MEGF6: variants seen among roughly 807,000 people sequenced by gnomAD.
The protein encoded by MEGF6 is multiple epidermal growth factor-like domains protein 6.
In MEGF6, 184 loss-of-function variants were observed where a neutral mutation model predicts 207.1. That is an observed-to-expected ratio of 0.89 (90% CI 0.79 to 1.00). The LOEUF (loss-of-function observed/expected upper bound fraction) is 1.00. MEGF6 is among the 50% of genes least tolerant of loss of function. MEGF6 has a pLI of 0.00. For synonymous variants in MEGF6, 1,038 were observed against 910.0 expected, an observed-to-expected ratio of 1.14 and a Z score of -2.53; for missense variants, 2,282 against 2,202.9, an observed-to-expected ratio of 1.04 and a Z score of -0.72.
chr1:3,559,311 C>T lies in MEGF6; in HGVS notation c.481+20514G>A, dbSNP rs1002163615. ...CTCCTAATTTAGGTTACTGGTCTTG[C>T]AACAGAAGAGCTTCCTCACACCACT... On this transcript the variant is annotated intron_variant, in intron 4 of 36. Transcript: ENST00000356575. Among the ~76,000 whole-genome samples the T allele has an allele frequency of 1.3e-5, 2 of 152,126 alleles. 1 individual carries two copies. The highest frequency in any genetic ancestry group is 4.1e-4 in the South Asian group (2 of 4,832).
intron 7 of MEGF6, among the ~76,000 whole-genome samples, chr1:3,514,064 T>C (rs1002493945): frequency 1.3e-5 from 2 of 151,764 alleles, no homozygotes; most frequent in South Asian, 2.1e-4. Flanking sequence ...CTGGCCAACA[T>C]GGTGAAACCC....
Position 3,567,654 on chromosome 1 carries a change from C to T in MEGF6, c.481+12171G>A, listed in dbSNP as rs528535281. ...TGGCCTAGCTCCTTGGCCATCACAC[C>T]GTGGGCCCTCGGTCCCTAGGAGCAC... On this transcript the variant is annotated intron_variant, in intron 4 of 36. Coordinates refer to ENST00000356575, the MANE Select transcript of MEGF6 (RefSeq NM_001409.4). Among the ~76,000 whole-genome samples the T allele has an allele frequency of 3.3e-5, 5 of 152,308 alleles. No individual in the cohort carries two copies. The East Asian group carries it at 5.8e-4, about 18-fold the overall frequency.
rs1054652405 is a variant in MEGF6 at position 3,494,807 on chromosome 1, T to A, written c.3872-66A>T. 2.7e-6 allele frequency: 4 copies of A among 1,472,558 alleles called. No individual in the cohort carries two copies. The Admixed American group carries it at 9.6e-5, about 35-fold the overall frequency. The allele number at this position is 1,472,558 out of a possible 1,614,324, so 91.2% of individuals were successfully genotyped here. The stretch of plus-strand genomic sequence containing the variant: ...GGGCTGGGCTCCCTCTGGGGATATG[T>A]CCCCACAGGCTGACAGTCACTCGGT... On this transcript the variant is annotated intron_variant, in intron 30 of 36. Transcript: ENST00000356575.
intron 4 of MEGF6, among the ~76,000 whole-genome samples, chr1:3,553,400 A>G (rs1336517718): frequency 6.6e-6 from 1 of 152,014 alleles, no homozygotes; most frequent in Non-Finnish European, 1.5e-5. Context: ...GACACAGGCA[A>G]GAGACCCTCC....
Position 3,573,208 on chromosome 1 carries a change from G to A in MEGF6, c.481+6617C>T, listed in dbSNP as rs369679823. On this transcript the variant is annotated intron_variant, in intron 4 of 36. Coordinates refer to ENST00000356575, the MANE Select transcript of MEGF6 (RefSeq NM_001409.4). The surrounding 1 kb of genome is among the most constrained non-coding windows in gnomAD (Gnocchi z 5.1). ...TGCTGGGTCCTCCTGCGTGTGCTGC[G>A]TCCTTCCTGTGTGTGCTGGGTTCCC... is the stretch of plus-strand genomic sequence containing the variant. 3.6e-4 allele frequency among the ~76,000 whole-genome samples: 55 copies of A among 151,940 alleles called. No homozygotes were observed. In the South Asian group the frequency reaches 5.6e-3, roughly 15 times the overall value.
At chr1:3,603,407 G>A (rs1190817809) in intron 1 of MEGF6, among the ~76,000 whole-genome samples, 1 of 152,056 alleles carries the variant, frequency 6.6e-6, no homozygotes, top group East Asian at 1.9e-4. Flanking sequence ...GGGGTGAGGC[G>A]GGCTCCCTCC....
At position 3,490,810 on chromosome 1, in the gene MEGF6, G is replaced by A. The variant is rs551083760; in HGVS notation, c.4564+102C>T. ...CCTGGGGCCCAAGGCCCCGGGTGCA[G>A]CTGCTGCCCTGTGGGGCCCAGATTA... is the stretch of plus-strand genomic sequence containing the variant. On this transcript the variant is annotated intron_variant, in intron 36 of 36. Coordinates refer to ENST00000356575, the MANE Select transcript of MEGF6 (RefSeq NM_001409.4). 654 of 1,429,304 alleles carry A rather than the reference G, an allele frequency of 4.6e-4. 2 individuals are homozygous for A. The African/African-American group carries it at 7.7e-3, about 17-fold the overall frequency. 88.5% of individuals were successfully genotyped at this position (1,429,304 alleles called of 1,614,324 possible).
chr1:3,533,173 ATCC>A (rs1447864531), intron 4 of MEGF6, among the ~76,000 whole-genome samples: 1 of 152,144 alleles, frequency 6.6e-6, no homozygotes, highest in Non-Finnish European at 1.5e-5. Context: ...CTGAGGGGCC[ATCC>A]TTGAGCGCGT....
chr1:3,497,869 C>T (rs938603601), intron 26 of MEGF6, among the ~76,000 whole-genome samples: 5 of 152,140 alleles, frequency 3.3e-5, no homozygotes, highest in Non-Finnish European at 5.9e-5. Flanking sequence ...AAGGGGGGCT[C>T]GTGTTAGGGG....
At position 3,505,564 on chromosome 1, in the gene MEGF6, C is replaced by G. The variant is rs1223141016; in HGVS notation, c.1919-8G>C. 1.3e-6 allele frequency: 2 copies of G among 1,563,714 alleles called. No individual in the cohort carries two copies. The highest frequency in any genetic ancestry group is 1.7e-6 in the Non-Finnish European group (2 of 1,158,954). ...AGGCCCACGGCGGGCAGGCTGCACC[C>G]ACAGAACCGTTGAGGGGGGCTCCCG... On this transcript the variant is annotated splice_region_variant and splice_polypyrimidine_tract_variant and intron_variant, in intron 15 of 36. Transcript: ENST00000356575.
rs115010998 is a variant in MEGF6, at chr1:3,549,901, G to A, written c.482-25655C>T. On this transcript the variant is annotated intron_variant, in intron 4 of 36. Coordinates refer to ENST00000356575, the MANE Select transcript of MEGF6 (RefSeq NM_001409.4). Reference sequence around the variant, plus strand: ...CAAGCACAGGCACGGGTGGGCGGTCGAAGGTCAGAACCAGGCTAGGCTCTG... The same window carrying A: ...CAAGCACAGGCACGGGTGGGCGGTCAAAGGTCAGAACCAGGCTAGGCTCTG... Among the ~76,000 whole-genome samples the A allele has an allele frequency of 2.6e-5, 4 of 152,258 alleles. No individual in the cohort carries two copies. The East Asian group carries it at 7.8e-4, about 30-fold the overall frequency.
At chr1:3,493,105 G>A in intron 34 of MEGF6, 1 of 342,200 alleles carries the variant, frequency 2.9e-6, no homozygotes, top group South Asian at 4.2e-5. Flanking sequence ...CAACAGGCCT[G>A]AGAGCCACAA....
In MEGF6 at chr1:3,498,717, GGCCCA is replaced by G; in HGVS notation, c.3199_3203del (p.Trp1067ArgfsTer5). 3 of 1,568,796 alleles carry G rather than the reference GGCCCA, an allele frequency of 1.9e-6. No homozygotes were observed. The highest frequency in any genetic ancestry group is 2.6e-6 in the Non-Finnish European group (3 of 1,159,788). ...GCTCACCCTTCTCACAGGCCAGGCC[GGCCCA>G]GCCCTCTGGGCACGCACAGTGGCCT... On this transcript the variant is annotated frameshift_variant, in exon 25 of 37. Coordinates refer to ENST00000356575, the MANE Select transcript of MEGF6 (RefSeq NM_001409.4). LOFTEE classifies it high-confidence loss of function.
rs372003170 is a variant in MEGF6 at position 3,542,079 on chromosome 1, C to T, written c.482-17833G>A. 6.1e-3 allele frequency among the ~76,000 whole-genome samples: 929 copies of T among 152,334 alleles called. 11 individuals carry two copies. The highest frequency in any genetic ancestry group is 0.021 in the African/African-American group (864 of 41,582). ...CTTCCGCCCAGACCCGGCCTGGCCG[C>T]CTCCCCCAACCCCCGGCTGCCCCGT... On this transcript the variant is annotated intron_variant, in intron 4 of 36. Coordinates refer to ENST00000356575, the MANE Select transcript of MEGF6 (RefSeq NM_001409.4).
intron 9 of MEGF6, 128 bp from the exon 10 acceptor site, chr1:3,511,030 C>T: frequency 7.5e-7 from 1 of 1,333,760 alleles, no homozygotes; most frequent in Non-Finnish European, 1.0e-6. Context: ...TGCCCACAGC[C>T]TCACGTGTGC....
chr1:3,594,031 A>G lies in MEGF6; in HGVS notation c.376+1307T>C, dbSNP rs1644021343. Among the ~76,000 whole-genome samples the G allele has an allele frequency of 6.6e-6, 1 of 152,106 alleles. No homozygotes were observed. The highest frequency in any genetic ancestry group is 1.5e-5 in the Non-Finnish European group (1 of 68,026). On this transcript the variant is annotated intron_variant, in intron 3 of 36. Coordinates refer to ENST00000356575, the MANE Select transcript of MEGF6 (RefSeq NM_001409.4). This position sits in a 1 kb window ranked among gnomAD's most constrained non-coding sequence, Gnocchi z 4.2. Reference sequence around the variant, plus strand: ...GCCTGCATGCTTCCTGTGTGAGAAGAGCCCCTGCGGCTCCAGGCAACTACC... The same window carrying G: ...GCCTGCATGCTTCCTGTGTGAGAAGGGCCCCTGCGGCTCCAGGCAACTACC...
intron 4 of MEGF6, among the ~76,000 whole-genome samples, chr1:3,530,703 T>C (rs114135383): frequency 1.4e-3 from 214 of 152,302 alleles, no homozygotes; most frequent in African/African-American, 5.0e-3. Flanking sequence ...CCCCGGAGAC[T>C]CAGCTCCGGG....
At chr1:3,495,177 C>T (rs1007638294) in intron 30 of MEGF6, among the ~76,000 whole-genome samples, 1 of 152,180 alleles carries the variant, frequency 6.6e-6, no homozygotes, top group Non-Finnish European at 1.5e-5. Flanking sequence ...CAGCCGGATG[C>T]CTGATGACCG....
intron 4 of MEGF6, among the ~76,000 whole-genome samples, chr1:3,546,366 C>G (rs555992784): frequency 1.1e-4 from 17 of 152,356 alleles, no homozygotes; most frequent in Admixed American, 1.1e-3. Flanking sequence ...CCTGCCCGCC[C>G]CTCCTTCCTC....
Sources: gnomAD v4.1 joint callset for allele counts (sites outside exome capture counted in the v4.1 genomes callset) on GRCh38, gnomAD v4.1.1 for gene constraint, Gnocchi (gnomAD v3.1) non-coding constraint, MANE v1.5 for transcripts, NCBI Gene and HGNC (gene_info 2026-07-23, HGNC 2026-07-21) for gene names.